MYO5C: variants seen among roughly 807,000 people sequenced by gnomAD.
MYO5C encodes the protein unconventional myosin-Vc.
In MYO5C, 194 loss-of-function variants were observed where a neutral mutation model predicts 235.7. The observed-to-expected ratio is 0.82, with a 90% confidence interval of 0.73 to 0.93. The LOEUF (loss-of-function observed/expected upper bound fraction) is 0.93, where lower values mean the gene tolerates loss of function less well. MYO5C is among the 40% of genes least tolerant of loss of function. The probability of loss-of-function intolerance (pLI) is 0.00; values close to 1 mark genes in which losing one functional copy is unlikely to be tolerated. For missense variants in MYO5C, 2,038 were observed against 2,127.2 expected (o/e 0.96, Z 0.82); for synonymous variants, 707 against 754.8 (o/e 0.94, Z 1.04).
At chr15:52,233,631 A>G (rs1011512432) in intron 23 of MYO5C, among the ~76,000 whole-genome samples, 1 of 152,262 alleles carries the variant, frequency 6.6e-6, no homozygotes, top group African/African-American at 2.4e-5. Context: ...TCTGGGAAAG[A>G]GGAAGTACAA....
chr15:52,200,698 A>T (rs1235107557), intron 38 of MYO5C, among the ~76,000 whole-genome samples: 1 of 152,152 alleles, frequency 6.6e-6, no homozygotes, highest in East Asian at 1.9e-4. Flanking sequence ...AAAACAACTA[A>T]TAGAAGTCAA....
intron 38 of MYO5C, 142 bp downstream of exon 38, chr15:52,204,723 G>A (rs944553379): frequency 1.3e-5 from 14 of 1,040,726 alleles, no homozygotes; most frequent in African/African-American, 1.1e-4. Flanking sequence ...GGCTCCTAGG[G>A]TGACTCGAAT....
At position 52,245,247 on chromosome 15, in the gene MYO5C, G is replaced by C. The variant is rs922330500; in HGVS notation, c.2178+107C>G. The C allele has an allele frequency of 1.6e-5, 13 of 818,812 alleles. No homozygotes were observed. In the African/African-American group the frequency reaches 2.2e-4, roughly 14 times the overall value. The allele number at this position is 818,812 out of a possible 1,614,324, so 50.7% of individuals were successfully genotyped here. Reference sequence around the variant, plus strand: ...CAGGGCACATTTTCTTTCCTTTCAGGTGTTCATGATTACAGTCCTGAGCAT... The same window carrying C: ...CAGGGCACATTTTCTTTCCTTTCAGCTGTTCATGATTACAGTCCTGAGCAT... On this transcript the variant is annotated intron_variant, in intron 18 of 40. Transcript: ENST00000261839.
chr15:52,201,648 ATTC>A (rs1350632631), intron 38 of MYO5C, among the ~76,000 whole-genome samples: 2 of 152,182 alleles, frequency 1.3e-5, no homozygotes, highest in African/African-American at 4.8e-5. Flanking sequence ...ATAATAGACT[ATTC>A]TTCTCTTATT....
intron 19 of MYO5C, 162 bp from the exon 20 acceptor site, chr15:52,242,375 G>T: frequency 1.4e-6 from 1 of 729,984 alleles, no homozygotes; most frequent in Non-Finnish European, 2.2e-6. Context: ...CCTACTTGAG[G>T]CCAGTCCCCA....
intron 37 of MYO5C, chr15:52,205,598 A>G: frequency 2.7e-6 from 1 of 371,980 alleles, no homozygotes; most frequent in Non-Finnish European, 4.8e-6. Flanking sequence ...CCTTCAGGAT[A>G]AATCATCCTT....
intron 13 of MYO5C, 87 bp downstream of exon 13, chr15:52,251,303 G>T: frequency 7.7e-7 from 1 of 1,305,982 alleles, no homozygotes; most frequent in South Asian, 1.8e-5. Context: ...ACTTGAATCT[G>T]ATCAGAAACA....
At chr15:52,231,456 G>A (rs532766686) in intron 24 of MYO5C, among the ~76,000 whole-genome samples, 4 of 152,314 alleles carry the variant, frequency 2.6e-5, no homozygotes, top group East Asian at 1.9e-4. Flanking sequence ...GTCCCTGCAC[G>A]TGGACAGATG....
chr15:52,248,912 T>G, intron 13 of MYO5C, 129 bp from the exon 14 acceptor site: 10 of 635,504 alleles, frequency 1.6e-5, no homozygotes, highest in Non-Finnish European at 1.9e-5. Flanking sequence ...AAAAGACGTC[T>G]GGCTTCTGTG....
chr15:52,241,382 C>A (rs1368584916), intron 20 of MYO5C, among the ~76,000 whole-genome samples: 1 of 151,544 alleles, frequency 6.6e-6, no homozygotes, highest in African/African-American at 2.4e-5. Context: ...GCCTCAGCCT[C>A]CCGAGCAGCT....
chr15:52,264,559 T>C (rs1054930509), intron 8 of MYO5C, among the ~76,000 whole-genome samples: 1 of 152,248 alleles, frequency 6.6e-6, no homozygotes, highest in African/African-American at 2.4e-5. Context: ...CCAGTAATCA[T>C]TTCACATTAG....
chr15:52,235,589 T>C (rs551597918), intron 23 of MYO5C, 81 bp downstream of exon 23: 21 of 1,110,280 alleles, frequency 1.9e-5, no homozygotes, highest in Non-Finnish European at 2.7e-5. Context: ...AGACCCCTGG[T>C]TCTAAAACTG....
At chr15:52,275,469 G>T in intron 5 of MYO5C, 93 bp downstream of exon 5, 1 of 1,495,536 alleles carries the variant, frequency 6.7e-7, no homozygotes. Context: ...AGTCTTTAAA[G>T]GGTGGGAACT....
In MYO5C at chr15:52,196,362, C is replaced by A. The variant is rs1334271079; in HGVS notation, c.4942G>T (p.Asp1648Tyr). 1 of 1,614,140 alleles carries A rather than the reference C, an allele frequency of 6.2e-7. No individual in the cohort carries two copies. The highest frequency in any genetic ancestry group is 1.7e-5 in the Admixed American group (1 of 60,012). Residue 1648 changes from aspartate to tyrosine, a missense_variant, in exon 39 of 41, where the codon GAC becomes TAC. Transcript: ENST00000261839. Reference sequence around the variant, plus strand: ...TCGTAGATCTCCTTGGCATCACTGTCTGTGGTCTTCTTGACCTGAAGCAAC... The same window carrying A: ...TCGTAGATCTCCTTGGCATCACTGTATGTGGTCTTCTTGACCTGAAGCAAC... ...AWLLQVKKTT[D>Y]SDAKEIYERC...
At position 52,275,648 on chromosome 15, in the gene MYO5C, C is replaced by T. The variant is rs2037030868; in HGVS notation, c.520G>A (p.Ala174Thr). The change falls in exon 5 of 41, where the codon GCC becomes ACC. Residue 174 changes from alanine to threonine, a missense_variant. Physicochemically the swap from Ala to Thr is moderately conservative, Grantham distance 58 (BLOSUM62 0). Transcript: ENST00000261839. ...CTGACGGTGGCAAAGTACCTCATGG[C>T]ATAGCGAGCCGACACTGTCTTTCCA... ...GAGKTVSARY[A>T]MRYFATVSKS... 1 of 1,614,204 alleles carries T rather than the reference C, an allele frequency of 6.2e-7. No homozygotes were observed. Among genetic ancestry groups the T allele is most frequent in the Non-Finnish European group, 8.5e-7 (1 of 1,180,036 alleles).
At position 52,233,018 on chromosome 15, in the gene MYO5C, G is replaced by A. The variant is rs1437152622; in HGVS notation, c.2963-333C>T. On this transcript the variant is annotated intron_variant, in intron 23 of 40. Coordinates refer to ENST00000261839, the MANE Select transcript of MYO5C (RefSeq NM_018728.4). ...ATAGAGGCCGGGCGCGGTGGCTCAC[G>A]CCTGTAATCCCAGCACTTTGGGAGG... Among the ~76,000 whole-genome samples, 2 of 13,700 alleles carry A rather than the reference G, an allele frequency of 1.5e-4. 1 individual carries two copies. Among genetic ancestry groups the A allele is most frequent in the Non-Finnish European group, 7.2e-3 (2 of 278 alleles). The allele number at this position is 13,700 out of a possible 152,430, so 9.0% of individuals were successfully genotyped here.
chr15:52,248,820 C>A (rs1374697670), intron 13 of MYO5C, 37 bp from the exon 14 acceptor site: 1 of 1,423,642 alleles, frequency 7.0e-7, no homozygotes, highest in African/African-American at 1.4e-5. Context: ...CCCAAAGAGG[C>A]CAAAGAATAT....
intron 8 of MYO5C, chr15:52,265,331 C>T (rs2036783119): frequency 6.6e-6 from 1 of 152,164 alleles, no homozygotes; most frequent in Non-Finnish European, 1.5e-5. Flanking sequence ...GTCGGGATCC[C>T]CCCAGTGTGT....
rs1021806048 is a variant in MYO5C, at chr15:52,251,539, T to C, written c.1537-24A>G. ...AACTGGAAAAGAAAAATAAACCAAA[T>C]AGCAAGTAAGAAAACCAGAGATTCA... On this transcript the variant is annotated intron_variant, in intron 12 of 40. Coordinates refer to ENST00000261839, the MANE Select transcript of MYO5C (RefSeq NM_018728.4). 18 of 1,574,248 alleles carry C rather than the reference T, an allele frequency of 1.1e-5. No homozygotes were observed. Among genetic ancestry groups the C allele is most frequent in the Admixed American group, 1.8e-5 (1 of 55,284 alleles).
Sources: gnomAD v4.1 joint callset for allele counts (sites outside exome capture counted in the v4.1 genomes callset) on GRCh38, gnomAD v4.1.1 for gene constraint, MANE v1.5 for transcripts, NCBI Gene and HGNC (gene_info 2026-07-23, HGNC 2026-07-21) for gene names.